BAALC: variants seen among roughly 807,000 people sequenced by gnomAD.
The protein encoded by BAALC is BAALC binder of MAP3K1 and KLF4.
Under a neutral mutation model 15.5 loss-of-function variants are expected in BAALC, and 9 were observed. That is an observed-to-expected ratio of 0.58 (90% confidence interval 0.35 to 1.02). The LOEUF is 1.02. BAALC is among the 50% of genes least tolerant of loss of function. The probability of loss-of-function intolerance (pLI) is 0.02; values close to 1 mark genes in which losing one functional copy is unlikely to be tolerated. For synonymous variants in BAALC, 80 were observed against 74.6 expected (o/e 1.07, Z -0.37); for missense variants, 201 against 192.4 (o/e 1.04, Z -0.27).
intron 1 of BAALC, among the ~76,000 whole-genome samples, chr8:103,166,516 TG>T (rs1388507224): frequency 1.3e-5 from 2 of 152,108 alleles, no homozygotes; most frequent in Non-Finnish European, 2.9e-5. Flanking sequence ...GAAACCGTTT[TG>T]TTTTTTTGTT....
chr8:103,193,607 A>G (rs957539345), intron 1 of BAALC, among the ~76,000 whole-genome samples: 5 of 152,196 alleles, frequency 3.3e-5, no homozygotes, highest in African/African-American at 1.2e-4. Flanking sequence ...TTAGAGTCAC[A>G]CAGATCTGGG....
intron 2 of BAALC, among the ~76,000 whole-genome samples, chr8:103,227,180 T>G (rs1015662589): frequency 2.6e-5 from 4 of 152,188 alleles, no homozygotes; most frequent in Admixed American, 2.6e-4. Context: ...TGTGTGTGCG[T>G]GTATGTGTGT....
intron 1 of BAALC, among the ~76,000 whole-genome samples, chr8:103,188,509 G>A (rs561286402): frequency 6.6e-6 from 1 of 152,278 alleles, no homozygotes; most frequent in African/African-American, 2.4e-5. Flanking sequence ...TATTAGGTCA[G>A]GAAAGGAATC....
chr8:103,210,661 T>C (rs1405576899), intron 1 of BAALC, among the ~76,000 whole-genome samples: 3 of 152,224 alleles, frequency 2.0e-5, no homozygotes, highest in African/African-American at 7.2e-5. Context: ...GACTTTACAA[T>C]TAAAATATAA....
At chr8:103,227,713 C>G (rs147252934) in intron 2 of BAALC, among the ~76,000 whole-genome samples, 3 of 152,282 alleles carry the variant, frequency 2.0e-5, no homozygotes, top group Non-Finnish European at 2.9e-5. Context: ...ATCAAAGCCT[C>G]AAAAGAATGT....
intron 1 of BAALC, among the ~76,000 whole-genome samples, chr8:103,209,289 T>C (rs1586432794): frequency 6.6e-6 from 1 of 152,164 alleles, no homozygotes; most frequent in South Asian, 2.1e-4. Context: ...GTTCAGTTGC[T>C]TGAACCCAGG....
At chr8:103,164,495 G>A (rs756657569) in intron 1 of BAALC, among the ~76,000 whole-genome samples, 2 of 152,252 alleles carry the variant, frequency 1.3e-5, no homozygotes, top group Non-Finnish European at 1.5e-5. Context: ...GGATGTGATC[G>A]TGTCACTCTT....
intron 1 of BAALC, among the ~76,000 whole-genome samples, chr8:103,195,602 G>A (rs559119535): frequency 6.6e-6 from 1 of 152,252 alleles, no homozygotes; most frequent in South Asian, 2.1e-4. Context: ...CTCTGTCAGG[G>A]CTGACTTCAC....
intron 1 of BAALC, among the ~76,000 whole-genome samples, chr8:103,189,489 G>C (rs1327936209): frequency 6.6e-6 from 1 of 152,182 alleles, no homozygotes; most frequent in Non-Finnish European, 1.5e-5. Flanking sequence ...TGTTCCCAAG[G>C]GAATAGACAG....
intron 1 of BAALC, among the ~76,000 whole-genome samples, chr8:103,188,712 C>T (rs1252855728): frequency 6.6e-6 from 1 of 152,212 alleles, no homozygotes; most frequent in Admixed American, 6.5e-5. Context: ...CAGGCACATG[C>T]TCCCCTTCCT....
chr8:103,186,946 C>T (rs1044999848), intron 1 of BAALC, among the ~76,000 whole-genome samples: 1 of 152,224 alleles, frequency 6.6e-6, no homozygotes, highest in Non-Finnish European at 1.5e-5. Flanking sequence ...AGCTATTTCA[C>T]TGTTTCATGC....
chr8:103,223,023 G>A (rs1448079652), intron 2 of BAALC, among the ~76,000 whole-genome samples: 2 of 152,090 alleles, frequency 1.3e-5, no homozygotes, highest in Non-Finnish European at 2.9e-5. Context: ...AAAACTTTTT[G>A]GCGGGCCGGG....
rs575570720 is a variant in BAALC, at chr8:103,195,484, C to A, written c.161-17435C>A. ...TCAACATACTGTCCTCAAGTTTTCA[C>A]TCAGCCCTGAACCCTGGAAAGACAC... is the stretch of plus-strand genomic sequence containing the variant. On this transcript the variant is annotated intron_variant, in intron 1 of 2. Transcript: ENST00000309982. Among the ~76,000 whole-genome samples the A allele has an allele frequency of 4.6e-5, 7 of 152,302 alleles. No individual in the cohort carries two copies. In the East Asian group the frequency reaches 1.4e-3, roughly 29 times the overall value.
intron 1 of BAALC, among the ~76,000 whole-genome samples, chr8:103,188,050 T>C (rs928559109): frequency 6.6e-6 from 1 of 152,178 alleles, no homozygotes; most frequent in Non-Finnish European, 1.5e-5. Flanking sequence ...GAAACAGGTC[T>C]ATATTGGCTC....
At chr8:103,214,768 C>A (rs897145109) in intron 2 of BAALC, among the ~76,000 whole-genome samples, 2 of 152,212 alleles carry the variant, frequency 1.3e-5, no homozygotes, top group Non-Finnish European at 2.9e-5. Flanking sequence ...TAAGGATTAA[C>A]AGGGGATAGT....
chr8:103,168,728 T>C (rs1282283417), intron 1 of BAALC, among the ~76,000 whole-genome samples: 3 of 152,168 alleles, frequency 2.0e-5, no homozygotes, highest in Admixed American at 2.0e-4. Flanking sequence ...GACATTAACC[T>C]GAGGATTTCC....
chr8:103,150,821 A>G (rs1439299481), intron 1 of BAALC, among the ~76,000 whole-genome samples: 4 of 152,120 alleles, frequency 2.6e-5, no homozygotes, highest in African/African-American at 7.2e-5. Flanking sequence ...GAATTCTGAT[A>G]CAGCCACACC....
intron 1 of BAALC, among the ~76,000 whole-genome samples, chr8:103,204,747 TTTC>T (rs1433713444): frequency 1.3e-5 from 2 of 152,238 alleles, no homozygotes; most frequent in Non-Finnish European, 2.9e-5. Flanking sequence ...TGCTCAATAT[TTTC>T]TAAGAATGTG....
chr8:103,186,284 A>G (rs994617297), intron 1 of BAALC, among the ~76,000 whole-genome samples: 4 of 152,154 alleles, frequency 2.6e-5, no homozygotes, highest in East Asian at 1.9e-4. Context: ...TGCCTTCACA[A>G]TCATCCTGCG....
Sources: allele counts gnomAD v4.1 joint callset (sites outside exome capture counted in the v4.1 genomes callset), GRCh38; gene constraint gnomAD v4.1.1; transcripts MANE v1.5; gene names NCBI Gene and HGNC (gene_info 2026-07-23, HGNC 2026-07-21).